FMN2: variants seen among roughly 807,000 people sequenced by gnomAD.
The protein encoded by FMN2 is formin 2, also known as formin-2.
FMN2 carries 51 observed loss-of-function variants against 142.3 expected under a neutral mutation model. The observed-to-expected ratio is 0.36, with a 90% CI of 0.29 to 0.45. The LOEUF (loss-of-function observed/expected upper bound fraction) is 0.45, where lower values mean the gene tolerates loss of function less well. Ranked by LOEUF, FMN2 falls within the 20% of genes least tolerant of loss-of-function variation. The pLI is 1.00. For synonymous variants in FMN2, 882 were observed against 869.8 expected (o/e 1.01, Z -0.25); for missense variants, 1,936 against 2,122.8 (o/e 0.91, Z 1.73).
chr1:240,471,062 A>T (rs1676789952), intron 16 of FMN2, among the ~76,000 whole-genome samples: 1 of 152,232 alleles, frequency 6.6e-6, no homozygotes, highest in South Asian at 2.1e-4. Context: ...ACCGGTGTCA[A>T]ATAGCAGAGC....
chr1:240,452,178 A>G (rs55903240), intron 16 of FMN2, among the ~76,000 whole-genome samples: 11,924 of 152,106 alleles, frequency 0.078, 512 homozygotes, highest in Middle Eastern at 0.1. Context: ...GCGACAGAGC[A>G]AGACTCTGTC....
At chr1:240,101,027 C>T (rs771855771) in intron 1 of FMN2, among the ~76,000 whole-genome samples, 10 of 152,150 alleles carry the variant, frequency 6.6e-5, no homozygotes, top group Middle Eastern at 3.4e-3. Context: ...GTTTTAGGTA[C>T]GCAGGAGGGG....
At position 240,092,349 on chromosome 1, in the gene FMN2, CAGGAAG is replaced by C; in HGVS notation, c.242_247del (p.Arg81_Lys82del). 1 of 1,609,090 alleles carries C rather than the reference CAGGAAG, an allele frequency of 6.2e-7. No individual in the cohort carries two copies. Among genetic ancestry groups the C allele is most frequent in the Admixed American group, 1.7e-5 (1 of 59,842 alleles). On this transcript the variant is annotated inframe_deletion, in exon 1 of 18. Transcript: ENST00000319653. ...CCTCGGTGTTTTCCAACCTGCGGAT[CAGGAAG>C]AATCTGTCCAAGGGGAAAGGCGCCG...
At chr1:240,403,223 C>A (rs1320857146) in intron 15 of FMN2, among the ~76,000 whole-genome samples, 1 of 152,224 alleles carries the variant, frequency 6.6e-6, no homozygotes, top group African/African-American at 2.4e-5. Context: ...CTACTCCTAT[C>A]ATTTTAAAGC....
intron 1 of FMN2, among the ~76,000 whole-genome samples, chr1:240,122,075 A>AATTT (rs71168900): frequency 0.031 from 4,595 of 146,636 alleles, 79 homozygotes; most frequent in South Asian, 0.043. Flanking sequence ...TTAATTAATT[A>AATTT]ATTTATTTAT....
chr1:240,205,025 T>C (rs1245031381), intron 4 of FMN2, among the ~76,000 whole-genome samples: 1 of 152,204 alleles, frequency 6.6e-6, no homozygotes, highest in Admixed American at 6.5e-5. Context: ...CTTAATATTA[T>C]CTTTATATTA....
chr1:240,469,576 C>T (rs1480252270), intron 16 of FMN2, among the ~76,000 whole-genome samples: 1 of 152,172 alleles, frequency 6.6e-6, no homozygotes, highest in East Asian at 1.9e-4. Flanking sequence ...TTGACTCTTA[C>T]TCAACCTTTA....
intron 4 of FMN2, among the ~76,000 whole-genome samples, chr1:240,195,998 A>G (rs928523131): frequency 6.6e-6 from 1 of 152,010 alleles, no homozygotes; most frequent in African/African-American, 2.4e-5. Context: ...ACAGAATGAG[A>G]CCCTGTCTTG....
At chr1:240,111,092 T>C (rs1661792334) in intron 1 of FMN2, among the ~76,000 whole-genome samples, 2 of 152,122 alleles carry the variant, frequency 1.3e-5, no homozygotes, top group South Asian at 4.1e-4. Context: ...GTAACATTTA[T>C]TGGGTACTGT....
intron 3 of FMN2, among the ~76,000 whole-genome samples, chr1:240,178,556 C>T (rs1665023845): frequency 6.6e-6 from 1 of 151,544 alleles, no homozygotes; most frequent in Admixed American, 6.6e-5. Context: ...ATTCTCCCAA[C>T]TGAGCCTACC....
chr1:240,299,043 C>T (rs1395721057), intron 8 of FMN2, among the ~76,000 whole-genome samples: 1 of 151,952 alleles, frequency 6.6e-6, no homozygotes, highest in Non-Finnish European at 1.5e-5. Context: ...CTCTGCCTCC[C>T]AGGTTCAAGT....
intron 6 of FMN2, chr1:240,245,569 A>C (rs1668050238): frequency 2.1e-6 from 1 of 471,194 alleles, no homozygotes; most frequent in South Asian, 1.5e-5. Flanking sequence ...GAGGATGGTA[A>C]GTGTCTGGTT....
chr1:240,189,525 G>C (rs141480342), intron 4 of FMN2, among the ~76,000 whole-genome samples: 107 of 152,302 alleles, frequency 7.0e-4, no homozygotes, highest in South Asian at 1.4e-3. Flanking sequence ...CTTTAGAAAA[G>C]AATCCCTGTG....
intron 2 of FMN2, chr1:240,142,956 T>A (rs920670229): frequency 1.2e-6 from 2 of 1,600,200 alleles, no homozygotes; most frequent in Non-Finnish European, 1.7e-6. Flanking sequence ...ATAGTGTGAT[T>A]TGCCTAGAAT....
At chr1:240,164,785 C>G (rs1289481489) in intron 2 of FMN2, among the ~76,000 whole-genome samples, 1 of 152,110 alleles carries the variant, frequency 6.6e-6, no homozygotes, top group African/African-American at 2.4e-5. Context: ...ACTGTATTCA[C>G]CCACTTATAG....
rs144305318 is a variant in FMN2, at chr1:240,359,795, C to T, written c.4858+3887C>T. 4.3e-3 allele frequency among the ~76,000 whole-genome samples: 660 copies of T among 152,290 alleles called. 3 individuals carry two copies. Among genetic ancestry groups the T allele is most frequent in the Non-Finnish European group, 6.6e-3 (450 of 68,022 alleles). On this transcript the variant is annotated intron_variant, in intron 14 of 17. Transcript: ENST00000319653. Reference sequence around the variant, plus strand: ...TATACTCACTCAAAAATTGTTCTGACGGCCACCTGGCTTTATATTCTTCAT... The same window carrying T: ...TATACTCACTCAAAAATTGTTCTGATGGCCACCTGGCTTTATATTCTTCAT...
chr1:240,198,988 C>T (rs1459093924), intron 4 of FMN2, among the ~76,000 whole-genome samples: 1 of 152,014 alleles, frequency 6.6e-6, no homozygotes, highest in Non-Finnish European at 1.5e-5. Flanking sequence ...GCCTGTAGTC[C>T]CAGCTACTCG....
chr1:240,207,256 C>G lies in FMN2; in HGVS notation c.2444C>G (p.Ser815Cys), dbSNP rs1335925432. Residue 815 changes from serine (S) to cysteine (C), a missense_variant, in exon 5 of 18, where the codon TCC becomes TGC. By Grantham distance (112) the Ser-to-Cys change is moderately radical. Around this residue, in one of 8 missense-constraint regions of FMN2, gnomAD observed 478 missense variants for 462.8 expected, o/e 1.03. Transcript: ENST00000319653. ...ATCTCACAGCCTCCACCACCTCCATCCCTTCTGTGGTCTGCTGGGCAAGGA... is the reference window on the plus strand; with the variant it reads ...ATCTCACAGCCTCCACCACCTCCATGCCTTCTGTGGTCTGCTGGGCAAGGA... ...QSISQPPPPP[S>C]LLWSAGQGQP... 6.2e-7 allele frequency: 1 copy of G among 1,614,036 alleles called. No individual in the cohort carries two copies. Among genetic ancestry groups the G allele is most frequent in the East Asian group, 2.2e-5 (1 of 44,880 alleles).
intron 14 of FMN2, among the ~76,000 whole-genome samples, chr1:240,366,861 G>A (rs1448572275): frequency 4.6e-5 from 7 of 152,078 alleles, no homozygotes; most frequent in Non-Finnish European, 8.8e-5. Context: ...CTCTATCCCT[G>A]TTTTATTGAT....
Sources: gnomAD v4.1 joint callset for allele counts (sites outside exome capture counted in the v4.1 genomes callset) on GRCh38, gnomAD v4.1.1 for gene constraint, gnomAD v4.1.1 regional missense constraint, MANE v1.5 for transcripts, NCBI Gene and HGNC (gene_info 2026-07-23, HGNC 2026-07-21) for gene names.